The following CHIA variants were observed in gnomAD, a reference collection of about 807,000 sequenced individuals.
CHIA encodes chitinase acidic, also known as acidic mammalian chitinase.
A neutral mutation model predicts 53.5 loss-of-function variants in CHIA; 47 were observed. That is an observed-to-expected ratio of 0.88 (90% CI 0.70 to 1.12). CHIA has a LOEUF of 1.12. Ranked by LOEUF, CHIA falls within the 50% of genes most tolerant of loss-of-function variation. The probability of loss-of-function intolerance (pLI) is 0.00; values close to 1 mark genes in which losing one functional copy is unlikely to be tolerated. For synonymous variants in CHIA, 268 were observed against 222.2 expected (o/e 1.21, Z -1.83); for missense variants, 652 against 592.2 (o/e 1.10, Z -1.05).
intron 1 of CHIA, among the ~76,000 whole-genome samples, chr1:111,297,976 A>G (rs557303892): frequency 6.6e-5 from 10 of 151,940 alleles, no homozygotes; most frequent in African/African-American, 1.7e-4. Flanking sequence ...TTAAACCAGC[A>G]AAAATCAAAA....
At chr1:111,318,838 G>A (rs1649401949) in intron 9 of CHIA, among the ~76,000 whole-genome samples, 160 bp downstream of exon 9, 1 of 152,168 alleles carries the variant, frequency 6.6e-6, no homozygotes, top group African/African-American at 2.4e-5. Flanking sequence ...TAATCCAAAT[G>A]AATAGCATTT....
rs540606653 is a variant in CHIA at position 111,318,055 on chromosome 1, C to T, written c.675C>T (p.Asn225=). ...CCTGGGAGGGCTACACTGGAGAGAA[C>T]AGCCCCCTCTACAAATACCCGACTG... is the stretch of plus-strand genomic sequence containing the variant. The part of the protein sequence containing the change: ...HGSWEGYTGE[N]SPLYKYPTDT... The change falls in exon 8 of 12, where the codon AAC becomes AAT. Residue 225 remains asparagine (N), a synonymous_variant. Transcript: ENST00000369740. 1.2e-6 allele frequency: 2 copies of T among 1,613,840 alleles called. No homozygotes were observed. The highest frequency in any genetic ancestry group is 2.7e-5 in the African/African-American group (2 of 75,026).
At chr1:111,304,669 T>C (rs1236682622) in intron 1 of CHIA, among the ~76,000 whole-genome samples, 1 of 152,208 alleles carries the variant, frequency 6.6e-6, no homozygotes, top group Non-Finnish European at 1.5e-5. Context: ...TACATCCTTT[T>C]TTTAGAGCAT....
At chr1:111,310,220 G>T (rs557885148) in intron 1 of CHIA, among the ~76,000 whole-genome samples, 180 bp from the exon 2 acceptor site, 4 of 152,304 alleles carry the variant, frequency 2.6e-5, no homozygotes, top group South Asian at 4.1e-4. Context: ...CATGGTGATG[G>T]TCTCCACCAC....
chr1:111,303,794 T>G (rs12563158), intron 1 of CHIA, among the ~76,000 whole-genome samples: 42,305 of 152,040 alleles, frequency 0.28, 6,175 homozygotes, highest in East Asian at 0.36. Context: ...ACAATAATAC[T>G]AGCTTTTATA....
intron 4 of CHIA, 54 bp downstream of exon 4, chr1:111,312,445 C>A: frequency 7.5e-7 from 1 of 1,338,652 alleles, no homozygotes; most frequent in Non-Finnish European, 1.1e-6. Flanking sequence ...ACTTCCCAAA[C>A]ATTAATGCTT....
intron 1 of CHIA, among the ~76,000 whole-genome samples, chr1:111,304,556 A>G (rs1253958745): frequency 6.6e-6 from 1 of 152,108 alleles, no homozygotes. Flanking sequence ...TTTCAGTTAT[A>G]TTACTTTTTA....
chr1:111,306,044 G>C (rs1437793804), intron 1 of CHIA, among the ~76,000 whole-genome samples: 1 of 152,092 alleles, frequency 6.6e-6, no homozygotes, highest in Non-Finnish European at 1.5e-5. Context: ...GACTACTATG[G>C]AGAAAGTTAT....
intron 2 of CHIA, among the ~76,000 whole-genome samples, chr1:111,311,033 C>T (rs1477888566): frequency 6.6e-6 from 1 of 152,158 alleles, no homozygotes; most frequent in Non-Finnish European, 1.5e-5. Flanking sequence ...GAGGTTGATT[C>T]AGTAAGTTGT....
intron 2 of CHIA, 131 bp from the exon 3 acceptor site, chr1:111,311,558 T>C: frequency 9.8e-7 from 1 of 1,017,876 alleles, no homozygotes; most frequent in Non-Finnish European, 1.5e-6. Context: ...GAAAAGCCTT[T>C]GGAATCACCA....
chr1:111,318,529 C>T lies in CHIA; in HGVS notation c.766C>T (p.Pro256Ser), dbSNP rs770269371. 18 of 1,614,054 alleles carry T rather than the reference C, an allele frequency of 1.1e-5. 1 individual carries two copies. The highest frequency in any genetic ancestry group is 2.5e-6 in the Non-Finnish European group (3 of 1,179,992). Residue 256 changes from proline to serine, a missense_variant, in exon 9 of 12, where the codon CCA (proline) becomes TCA (serine). Pro to Ser is a moderately conservative substitution (Grantham distance 74, BLOSUM62 -1). Coordinates refer to ENST00000369740, the MANE Select transcript of CHIA (RefSeq NM_201653.4). ...GAACTACTGGAAGGACAATGGAGCACCAGCTGAGAAGCTCATCGTTGGATT... is the reference window on the plus strand; with the variant it reads ...GAACTACTGGAAGGACAATGGAGCATCAGCTGAGAAGCTCATCGTTGGATT... Reference protein sequence around the residue: ...VMNYWKDNGAPAEKLIVGFPT... With the variant: ...VMNYWKDNGASAEKLIVGFPT...
chr1:111,312,452 G>C, intron 4 of CHIA, 61 bp downstream of exon 4: 1 of 1,319,174 alleles, frequency 7.6e-7, no homozygotes, highest in Non-Finnish European at 1.1e-6. Flanking sequence ...AAACATTAAT[G>C]CTTCTTAAAA....
intron 2 of CHIA, 25 bp from the exon 3 acceptor site, chr1:111,311,664 G>T (rs145081897): frequency 6.2e-7 from 1 of 1,613,834 alleles, no homozygotes; most frequent in Non-Finnish European, 8.5e-7. Flanking sequence ...TCGGTTCAAA[G>T]TACATGCTTT....
intron 1 of CHIA, among the ~76,000 whole-genome samples, chr1:111,291,543 G>T: frequency 7.8e-6 from 1 of 128,170 alleles, no homozygotes; most frequent in Non-Finnish European, 1.6e-5. Context: ...AGAGCATTAG[G>T]ACAAATACCT....
At chr1:111,315,024 A>G (rs992052880) in intron 5 of CHIA, 12 of 462,172 alleles carry the variant, frequency 2.6e-5, no homozygotes, top group Non-Finnish European at 4.6e-5. Flanking sequence ...CAGGTATCCA[A>G]AGAAACAAGG....
intron 1 of CHIA, among the ~76,000 whole-genome samples, chr1:111,310,026 C>T (rs1029695549): frequency 1.6e-4 from 25 of 152,176 alleles, no homozygotes; most frequent in African/African-American, 6.0e-4. Flanking sequence ...TGAATAATTC[C>T]ATGAGGAAAA....
At chr1:111,315,148 A>G (rs766984011) in intron 5 of CHIA, 122 bp from the exon 6 acceptor site, 10 of 699,862 alleles carry the variant, frequency 1.4e-5, no homozygotes, top group Admixed American at 2.3e-5. Flanking sequence ...AACCAAGAAC[A>G]TGCTTTACTC....
intron 1 of CHIA, among the ~76,000 whole-genome samples, chr1:111,293,969 C>G (rs7514165): frequency 0.28 from 42,316 of 152,032 alleles, 6,181 homozygotes; most frequent in East Asian, 0.36. Context: ...GTGGTCCCAG[C>G]TAATCAGGAG....
At chr1:111,301,919 G>C (rs1647781548) in intron 1 of CHIA, among the ~76,000 whole-genome samples, 1 of 152,052 alleles carries the variant, frequency 6.6e-6, no homozygotes, top group Non-Finnish European at 1.5e-5. Flanking sequence ...TGGGGGATTG[G>C]GGGAGGGATA....
Sources: allele counts gnomAD v4.1 joint callset (sites outside exome capture counted in the v4.1 genomes callset), GRCh38; gene constraint gnomAD v4.1.1; transcripts MANE v1.5; gene names NCBI Gene and HGNC (gene_info 2026-07-23, HGNC 2026-07-21).